FAM53A: variants seen among roughly 807,000 people sequenced by gnomAD.
The protein encoded by FAM53A is family with sequence similarity 53 member A.
A neutral mutation model predicts 26.6 loss-of-function variants in FAM53A; 28 were observed. The ratio of observed to expected loss-of-function variants is 1.05; its 90% CI spans 0.78 to 1.45. The LOEUF (loss-of-function observed/expected upper bound fraction) is 1.45, where lower values mean the gene tolerates loss of function less well. Ranked by LOEUF, FAM53A falls within the 40% of genes most tolerant of loss-of-function variation. FAM53A has a pLI of 0.00. For missense variants in FAM53A, 650 were observed against 575.8 expected (o/e 1.13, Z -1.32); for synonymous variants, 290 against 253.1 (o/e 1.15, Z -1.38).
intron 1 of FAM53A, among the ~76,000 whole-genome samples, chr4:1,673,578 TAAA>T (rs1023090139): frequency 6.6e-6 from 1 of 151,986 alleles, no homozygotes; most frequent in Admixed American, 6.6e-5. Context: ...ATTAAAAATA[TAAA>T]AATTAGCTGG....
At chr4:1,645,529 C>T (rs113290154) in intron 4 of FAM53A, among the ~76,000 whole-genome samples, 84 of 152,320 alleles carry the variant, frequency 5.5e-4, no homozygotes, top group African/African-American at 1.9e-3. Flanking sequence ...AGCTGGAGAA[C>T]AAAGATCCTC....
chr4:1,676,937 T>C (rs1345241037), intron 1 of FAM53A, among the ~76,000 whole-genome samples: 1 of 152,202 alleles, frequency 6.6e-6, no homozygotes, highest in African/African-American at 2.4e-5. Context: ...TAGTATAAAC[T>C]CTTGCCCCAA....
At chr4:1,639,339 C>G (rs774368022), downstream of FAM53A, among the ~76,000 whole-genome samples, 1 of 152,208 alleles carries the variant, frequency 6.6e-6, no homozygotes, top group Non-Finnish European at 1.5e-5. Context: ...CTAAACCACC[C>G]GGAGCTGATC....
the FAM53A span, among the ~76,000 whole-genome samples, chr4:1,604,509 C>T: frequency 1.3e-5 from 2 of 152,084 alleles, no homozygotes. Flanking sequence ...CCGAGAGACC[C>T]CAGGGAGCCC....
At chr4:1,644,321 A>G (rs769472116) in intron 4 of FAM53A, 27 of 1,535,718 alleles carry the variant, frequency 1.8e-5, no homozygotes, top group South Asian at 1.1e-4. Context: ...CGGGACTCGC[A>G]CTCGCGGGCA....
the FAM53A span, among the ~76,000 whole-genome samples, chr4:1,599,601 G>T: frequency 2.6e-5 from 4 of 152,154 alleles, no homozygotes; most frequent in Non-Finnish European, 5.9e-5. This position sits in a 1 kb window ranked among gnomAD's most constrained non-coding sequence, Gnocchi z 6.1. Context: ...TCAGCCCGGG[G>T]GACCAGAGCA....
Position 1,661,708 on chromosome 4 carries a change from C to T in FAM53A, c.76-4240G>A, listed in dbSNP as rs151291842. ...ACACCTCCAACCCTCTTTGCTGCTC[C>T]GGCAGCTCAGCGAGGCACCCGTGCC... On this transcript the variant is annotated intron_variant, in intron 2 of 4. Coordinates refer to ENST00000308132, the MANE Select transcript of FAM53A (RefSeq NM_001174070.3). Among the ~76,000 whole-genome samples the T allele has an allele frequency of 2.9e-3, 447 of 152,220 alleles. 2 individuals carry two copies. The highest frequency in any genetic ancestry group is 4.3e-3 in the Non-Finnish European group (294 of 68,016).
upstream of FAM53A, among the ~76,000 whole-genome samples, chr4:1,684,500 C>G (rs1003366679): frequency 3.3e-5 from 5 of 150,714 alleles, no homozygotes; most frequent in African/African-American, 1.2e-4. Context: ...GAGTCCGCAG[C>G]GCGCCCTGTG....
the FAM53A span, among the ~76,000 whole-genome samples, chr4:1,593,437 C>T: frequency 6.6e-6 from 1 of 152,188 alleles, no homozygotes; most frequent in Non-Finnish European, 1.5e-5. Flanking sequence ...CAACCCGGCT[C>T]CCCCCTCGGT....
At chr4:1,668,979 G>A (rs1714443386) in intron 1 of FAM53A, 74 bp from the exon 2 acceptor site, 1 of 512,130 alleles carries the variant, frequency 2.0e-6, no homozygotes, top group Admixed American at 3.7e-5. Flanking sequence ...GCTACATGTT[G>A]GGTCCCCTCT....
At chr4:1,637,724 T>A (rs1382166299), downstream of FAM53A, among the ~76,000 whole-genome samples, 1 of 152,068 alleles carries the variant, frequency 6.6e-6, no homozygotes, top group African/African-American at 2.4e-5. Flanking sequence ...ATCCCAGCCT[T>A]GGGACTGAGG....
At position 1,652,362 on chromosome 4, in the gene FAM53A, GCAC is replaced by G. The variant is rs1321135497; in HGVS notation, c.882+2613_882+2615del. On this transcript the variant is annotated intron_variant, in intron 4 of 4. Transcript: ENST00000308132. ...GCTATACACACACCACACGTCACAC[GCAC>G]AACACACACAACACACATCACATGC... Among the ~76,000 whole-genome samples the G allele has an allele frequency of 5.9e-5, 6 of 101,646 alleles. No homozygotes were observed. The East Asian group carries it at 1.8e-3, about 31-fold the overall frequency. The allele number at this position is 101,646 out of a possible 152,430, so 66.7% of individuals were successfully genotyped here. A position where few individuals can be genotyped will look rare whatever the true frequency, so the allele number is the denominator to read the frequency against.
intron 3 of FAM53A, among the ~76,000 whole-genome samples, chr4:1,656,339 G>A (rs562949815): frequency 4.6e-5 from 7 of 152,288 alleles, no homozygotes; most frequent in South Asian, 2.1e-4. Flanking sequence ...CTGCTGGTTC[G>A]GAGAAGCCTG....
chr4:1,622,507 C>T (rs573450901), intron 1 of FAM53A, among the ~76,000 whole-genome samples: 9 of 152,380 alleles, frequency 5.9e-5, no homozygotes, highest in East Asian at 1.9e-4. Flanking sequence ...GCTGAGGGGC[C>T]GCCCCACCAG....
chr4:1,655,129 G>A lies in FAM53A; in HGVS notation c.731C>T (p.Thr244Met), dbSNP rs115785763. ...GCGCCCGCCCAGCGCAGGCGTGGACGTGGGGCTGCTGCTGGCCCAGGGCAG... is the reference window on the plus strand; with the variant it reads ...GCGCCCGCCCAGCGCAGGCGTGGACATGGGGCTGCTGCTGGCCCAGGGCAG... Reference protein sequence around the residue: ...TPLPWASSSPTSTPALGGRRG... With the variant: ...TPLPWASSSPMSTPALGGRRG... Residue 244 changes from threonine (T) to methionine (M), a missense_variant, in exon 4 of 5, where the codon ACG becomes ATG. Thr to Met is a moderately conservative substitution (Grantham distance 81, BLOSUM62 -1). Transcript: ENST00000308132. 1.2e-3 allele frequency: 1,969 copies of A among 1,592,932 alleles called. 18 individuals carry two copies. The African/African-American group carries it at 0.022, about 18-fold the overall frequency.
intron 2 of FAM53A, among the ~76,000 whole-genome samples, chr4:1,663,090 T>C (rs1190682664): frequency 2.0e-5 from 3 of 151,988 alleles, no homozygotes; most frequent in African/African-American, 7.2e-5. Context: ...TCCCAGCTAC[T>C]TGGGAGGCTG....
At chr4:1,676,530 C>A (rs756541742) in intron 1 of FAM53A, among the ~76,000 whole-genome samples, 1 of 152,132 alleles carries the variant, frequency 6.6e-6, no homozygotes, top group Non-Finnish European at 1.5e-5. Context: ...TTCACCACGG[C>A]GACACACACA....
At chr4:1,600,926 C>T in the FAM53A span, among the ~76,000 whole-genome samples, 1 of 152,208 alleles carries the variant, frequency 6.6e-6, no homozygotes, top group African/African-American at 2.4e-5. Flanking sequence ...CTGTTAGGCT[C>T]GACGTCTGGG....
intron 1 of FAM53A, among the ~76,000 whole-genome samples, chr4:1,676,910 A>C (rs1715084613): frequency 6.6e-6 from 1 of 152,174 alleles, no homozygotes; most frequent in African/African-American, 2.4e-5. Flanking sequence ...CCTTTTTACA[A>C]GTGCAAAGTT....
Sources: allele counts gnomAD v4.1 joint callset (sites outside exome capture counted in the v4.1 genomes callset), GRCh38; gene constraint gnomAD v4.1.1; non-coding constraint Gnocchi (gnomAD v3.1); transcripts MANE v1.5; gene names NCBI Gene and HGNC (gene_info 2026-07-23, HGNC 2026-07-21).